Variants in TTL observed in about 807,000 individuals in gnomAD.
The protein encoded by TTL is tubulin--tyrosine ligase.
TTL carries 10 observed loss-of-function variants against 41.1 expected under a neutral mutation model. The observed-to-expected ratio is 0.24, with a 90% CI of 0.15 to 0.41. The LOEUF (loss-of-function observed/expected upper bound fraction) is 0.41, where lower values mean the gene tolerates loss of function less well. TTL is among the 10% of genes least tolerant of loss of function. The pLI is 1.00. For synonymous variants in TTL, 175 were observed against 175.5 expected, an observed-to-expected ratio of 1.00 and a Z score of 0.02; for missense variants, 367 against 460.4, an observed-to-expected ratio of 0.80 and a Z score of 1.86.
chr2:112,489,890 T>G (rs1681334413), intron 2 of TTL, among the ~76,000 whole-genome samples: 1 of 152,224 alleles, frequency 6.6e-6, no homozygotes, highest in Non-Finnish European at 1.5e-5. Flanking sequence ...AATTACTGAG[T>G]GAAAATGATG....
chr2:112,493,975 A>G (rs751546978), intron 2 of TTL, among the ~76,000 whole-genome samples, 168 bp from the exon 3 acceptor site: 2 of 152,224 alleles, frequency 1.3e-5, no homozygotes, highest in Non-Finnish European at 2.9e-5. Flanking sequence ...GCGCTCCCCA[A>G]TAACGCATTT....
At chr2:112,490,824 C>T (rs1311569962) in intron 2 of TTL, among the ~76,000 whole-genome samples, 2 of 151,994 alleles carry the variant, frequency 1.3e-5, no homozygotes, top group South Asian at 2.1e-4. Context: ...CCACCTGCCT[C>T]GGCCTCCCAA....
chr2:112,499,536 A>AT (rs1364594272), intron 3 of TTL, among the ~76,000 whole-genome samples: 27 of 152,328 alleles, frequency 1.8e-4, no homozygotes, highest in Non-Finnish European at 3.5e-4. Flanking sequence ...GGACCTAATA[A>AT]TTTTTCAGAA....
At position 112,531,361 on chromosome 2, in the gene TTL, G is replaced by C. The variant is rs77805588; in HGVS notation, c.*2566G>C. 1 of 227,442 alleles carries C rather than the reference G, an allele frequency of 4.4e-6. No homozygotes were observed. The highest frequency in any genetic ancestry group is 8.8e-6 in the Non-Finnish European group (1 of 114,284). The allele number at this position is 227,442 out of a possible 1,614,324, so 14.1% of individuals were successfully genotyped here. On this transcript the variant is annotated 3_prime_UTR_variant, in exon 7 of 7. Transcript: ENST00000233336. ...GTCATTTGACTGCACAGTATCAGAG[G>C]AGCCTGTTAACCTCTCTGTGCCTTA...
At chr2:112,494,665 C>G (rs957085526) in intron 3 of TTL, among the ~76,000 whole-genome samples, 5 of 152,168 alleles carry the variant, frequency 3.3e-5, no homozygotes, top group African/African-American at 9.7e-5. Flanking sequence ...CCCACGCCAG[C>G]CTGCTCCTCC....
rs975922389 is a variant in TTL, at chr2:112,535,773, A to G, written c.*6978A>G. 5 of 152,098 alleles carry G rather than the reference A, an allele frequency of 3.3e-5. No homozygotes were observed. Among genetic ancestry groups the G allele is most frequent in the Non-Finnish European group, 4.4e-5 (3 of 68,020 alleles). The allele number at this position is 152,098 out of a possible 1,614,324, so 9.4% of individuals were successfully genotyped here. A position where few individuals can be genotyped will look rare whatever the true frequency, so the allele number is the denominator to read the frequency against. On this transcript the variant is annotated 3_prime_UTR_variant, in exon 7 of 7. Coordinates refer to ENST00000233336, the MANE Select transcript of TTL (RefSeq NM_153712.5). ...TTTTTAAAAATCATGATCCAACTAT[A>G]TGCTATCTACAAAAAACACACTTCA...
chr2:112,503,801 A>ACTT, intron 5 of TTL, among the ~76,000 whole-genome samples: 1 of 102,488 alleles, frequency 9.8e-6, no homozygotes. Flanking sequence ...TTATCCGTAA[A>ACTT]CTTCTTTTTT....
chr2:112,517,141 A>T, intron 5 of TTL, among the ~76,000 whole-genome samples: 1 of 140,244 alleles, frequency 7.1e-6, no homozygotes, highest in African/African-American at 2.7e-5. Context: ...TGTATTATTA[A>T]TCTTGAGCTT....
chr2:112,501,253 A>G lies in TTL; in HGVS notation c.517A>G (p.Ile173Val), dbSNP rs765574711. The part of the protein sequence containing the change: ...SSEASELLDF[I>V]DNQGQVHVIQ... ...AGAGGCTTCAGAGCTTCTCGATTTC[A>G]TAGACAACCAGGGCCAAGTGCACGT... The change falls in exon 4 of 7, where the codon ATA (isoleucine) becomes GTA (valine). Residue 173 changes from isoleucine (I) to valine (V), a missense_variant. Physicochemically the swap from Ile to Val is conservative, Grantham distance 29. Coordinates refer to ENST00000233336, the MANE Select transcript of TTL (RefSeq NM_153712.5). 5 of 1,613,858 alleles carry G rather than the reference A, an allele frequency of 3.1e-6. No homozygotes were observed. The highest frequency in any genetic ancestry group is 2.7e-5 in the African/African-American group (2 of 75,008).
At chr2:112,484,253 GT>G (rs1431918976) in intron 1 of TTL, among the ~76,000 whole-genome samples, 2 of 147,072 alleles carry the variant, frequency 1.4e-5, no homozygotes, top group African/African-American at 2.5e-5. Flanking sequence ...TTTTTTTGTA[GT>G]TTTGTTTTTT....
At chr2:112,495,488 C>T (rs1681500723) in intron 3 of TTL, among the ~76,000 whole-genome samples, 1 of 152,184 alleles carries the variant, frequency 6.6e-6, no homozygotes, top group African/African-American at 2.4e-5. Context: ...AAAATAGAGG[C>T]AGTTCCCAAT....
intron 6 of TTL, among the ~76,000 whole-genome samples, chr2:112,525,785 T>A (rs574793574): frequency 2.0e-5 from 3 of 152,318 alleles, no homozygotes; most frequent in Non-Finnish European, 4.4e-5. Flanking sequence ...TATTTCTTTC[T>A]CCTGCCTGAT....
Position 112,482,538 on chromosome 2 carries a change from A to G in TTL, c.157+37A>G. 1 of 1,562,840 alleles carries G rather than the reference A, an allele frequency of 6.4e-7. No homozygotes were observed. Among genetic ancestry groups the G allele is most frequent in the Non-Finnish European group, 8.7e-7 (1 of 1,152,030 alleles). On this transcript the variant is annotated intron_variant, in intron 1 of 6. Coordinates refer to ENST00000233336, the MANE Select transcript of TTL (RefSeq NM_153712.5). This position sits in a 1 kb window ranked among gnomAD's most constrained non-coding sequence, Gnocchi z 5.3. ...CCCGATTCCCGTCTGCCCTCCTCGG[A>G]GCGGCCCTGCGCGCCTCCCGCGGCC...
chr2:112,531,747 G>A lies in TTL; in HGVS notation c.*2952G>A, dbSNP rs772499814. The A allele has an allele frequency of 1.3e-5, 3 of 223,084 alleles. No homozygotes were observed. Among genetic ancestry groups the A allele is most frequent in the South Asian group, 1.8e-4 (1 of 5,446 alleles). The allele number at this position is 223,084 out of a possible 1,614,324, so 13.8% of individuals were successfully genotyped here. A position where few individuals can be genotyped will look rare whatever the true frequency, so the allele number is the denominator to read the frequency against. On this transcript the variant is annotated 3_prime_UTR_variant, in exon 7 of 7. Transcript: ENST00000233336. ...TCTTTAAGGATGACCGGATGTTGCCGTATGTATTTATGGCACAAGCAGGTG... is the reference window on the plus strand; with the variant it reads ...TCTTTAAGGATGACCGGATGTTGCCATATGTATTTATGGCACAAGCAGGTG...
intron 2 of TTL, 86 bp downstream of exon 2, chr2:112,486,081 CTTTTA>C: frequency 7.4e-7 from 1 of 1,356,038 alleles, no homozygotes; most frequent in Non-Finnish European, 1.0e-6. Context: ...GACAAACATA[CTTTTA>C]TTTTAAAAGC....
rs745710997 is a variant in TTL, at chr2:112,501,313, G to A, written c.577G>A (p.Glu193Lys). Residue 193 changes from glutamate (E) to lysine (K), a missense_variant, in exon 4 of 7, where the codon GAG (glutamate) becomes AAG (lysine). By Grantham distance (56) the Glu-to-Lys change is moderately conservative. Transcript: ENST00000233336. ...ATATCTTGAGCACCCTCTGCTGCTT[G>A]AGCCAGGTCATCGCAAGTTTGACAT... Reference protein sequence around the residue: ...QKYLEHPLLLEPGHRKFDIRS... With the variant: ...QKYLEHPLLLKPGHRKFDIRS... 2.5e-6 allele frequency: 4 copies of A among 1,610,502 alleles called. No homozygotes were observed. Among genetic ancestry groups the A allele is most frequent in the African/African-American group, 2.7e-5 (2 of 74,508 alleles).
chr2:112,522,001 CAGGGGTTTGT>C (rs1192369872), intron 6 of TTL: 1 of 152,328 alleles, frequency 6.6e-6, no homozygotes, highest in African/African-American at 2.4e-5. Flanking sequence ...CCTTTCCTAT[CAGGGGTTTGT>C]CCCTCCATGG....
At chr2:112,518,752 G>A (rs991506456) in intron 5 of TTL, among the ~76,000 whole-genome samples, 2 of 148,780 alleles carry the variant, frequency 1.3e-5, no homozygotes, top group Non-Finnish European at 3.0e-5. Context: ...TTAGCTCACT[G>A]CAACCTCTGC....
At position 112,537,798 on chromosome 2, in the gene TTL, A is replaced by G. The variant is rs1682626649; in HGVS notation, c.*9003A>G. 1 of 152,236 alleles carries G rather than the reference A, an allele frequency of 6.6e-6. No individual in the cohort carries two copies. The highest frequency in any genetic ancestry group is 1.9e-4 in the East Asian group (1 of 5,204). 9.4% of individuals were successfully genotyped at this position (152,236 alleles called of 1,614,324 possible). A position where few individuals can be genotyped will look rare whatever the true frequency, so the allele number is the denominator to read the frequency against. Reference sequence around the variant, plus strand: ...CAATAGTTGGAACCCTCAAAACTCCATTTCAATAATAGCTAGAGCAACTAG... The same window carrying G: ...CAATAGTTGGAACCCTCAAAACTCCGTTTCAATAATAGCTAGAGCAACTAG... On this transcript the variant is annotated 3_prime_UTR_variant, in exon 7 of 7. Transcript: ENST00000233336.
Sources: allele counts gnomAD v4.1 joint callset (sites outside exome capture counted in the v4.1 genomes callset), GRCh38; gene constraint gnomAD v4.1.1; non-coding constraint Gnocchi (gnomAD v3.1); transcripts MANE v1.5; gene names NCBI Gene and HGNC (gene_info 2026-07-23, HGNC 2026-07-21).